HECW1: variants seen among roughly 807,000 people sequenced by gnomAD.
HECW1 encodes the protein E3 ubiquitin-protein ligase HECW1.
A neutral mutation model predicts 182.3 loss-of-function variants in HECW1; 61 were observed. The observed-to-expected ratio is 0.33, with a 90% CI of 0.27 to 0.41. HECW1 has a LOEUF of 0.41. Ranked by LOEUF, HECW1 falls within the 10% of genes least tolerant of loss-of-function variation. The pLI is 1.00. For missense variants in HECW1, 1,739 were observed against 2,108.9 expected, an observed-to-expected ratio of 0.82 and a Z score of 3.44; for synonymous variants, 859 against 832.6, an observed-to-expected ratio of 1.03 and a Z score of -0.55.
intron 3 of HECW1, among the ~76,000 whole-genome samples, chr7:43,305,674 C>T (rs973766897): frequency 4.6e-5 from 7 of 151,798 alleles, no homozygotes; most frequent in African/African-American, 1.5e-4. Flanking sequence ...GATCTCGGCT[C>T]ACTGCAACCT....
chr7:43,154,813 A>G (rs1789706538), intron 2 of HECW1, among the ~76,000 whole-genome samples: 1 of 152,310 alleles, frequency 6.6e-6, no homozygotes, highest in South Asian at 2.1e-4. Context: ...TGTTTCTTCC[A>G]TAGTGAAATA....
chr7:43,313,676 GAT>G (rs1169144323), intron 4 of HECW1, among the ~76,000 whole-genome samples: 2 of 152,138 alleles, frequency 1.3e-5, no homozygotes, highest in Admixed American at 1.3e-4. Context: ...TTTTAAATTT[GAT>G]TGATTATCCA....
chr7:43,416,382 C>G lies in HECW1; in HGVS notation c.801+8651C>G, dbSNP rs1268876090. ...GGACCCACTTGAGGAGGCAGTCTGCCGGTTCTCAGATCTCCAGCTGCGTGC... is the reference window on the plus strand; with the variant it reads ...GGACCCACTTGAGGAGGCAGTCTGCGGGTTCTCAGATCTCCAGCTGCGTGC... On this transcript the variant is annotated intron_variant, in intron 8 of 29. Coordinates refer to ENST00000395891, the MANE Select transcript of HECW1 (RefSeq NM_015052.5). Among the ~76,000 whole-genome samples the G allele has an allele frequency of 2.0e-5, 3 of 146,396 alleles. No individual in the cohort carries two copies. The East Asian group carries it at 6.1e-4, about 30-fold the overall frequency.
chr7:43,177,063 G>A (rs72585558), intron 2 of HECW1, among the ~76,000 whole-genome samples: 7,056 of 152,214 alleles, frequency 0.046, 258 homozygotes, highest in East Asian at 0.15. Flanking sequence ...TAGAGTTTCA[G>A]GGTTGAAAAT....
intron 15 of HECW1, among the ~76,000 whole-genome samples, chr7:43,468,390 T>C (rs2077876787): frequency 6.6e-6 from 1 of 152,104 alleles, no homozygotes; most frequent in Non-Finnish European, 1.5e-5. Context: ...GAGCCAGGCA[T>C]GGCTGAGACA....
intron 21 of HECW1, 91 bp from the exon 22 acceptor site, chr7:43,507,046 G>C: frequency 6.8e-7 from 1 of 1,467,200 alleles, no homozygotes; most frequent in Non-Finnish European, 9.1e-7. Context: ...CTCCAGCCTG[G>C]GCAACAGAGC....
chr7:43,389,301 C>T (rs983854720), intron 6 of HECW1, among the ~76,000 whole-genome samples: 3 of 152,182 alleles, frequency 2.0e-5, no homozygotes, highest in Admixed American at 1.3e-4. Context: ...CTGCTGGAGC[C>T]GTCCCCAGAC....
chr7:43,336,951 A>T (rs1010573740), intron 5 of HECW1, among the ~76,000 whole-genome samples: 1 of 152,194 alleles, frequency 6.6e-6, no homozygotes, highest in Non-Finnish European at 1.5e-5. Context: ...ACTATTGGTG[A>T]CACTTAGGTT....
At chr7:43,445,670 A>C (rs1026883523) in intron 11 of HECW1, 100 bp downstream of exon 11, 2 of 1,410,742 alleles carry the variant, frequency 1.4e-6, no homozygotes, top group Admixed American at 2.8e-5. Context: ...TCGGTGTCAA[A>C]CGGGGTTGCT....
chr7:43,136,242 T>C (rs1378168563), intron 2 of HECW1, among the ~76,000 whole-genome samples: 2 of 152,238 alleles, frequency 1.3e-5, no homozygotes, highest in African/African-American at 2.4e-5. Flanking sequence ...ATTTTAATGC[T>C]TAGTTGGCAC....
At chr7:43,281,969 T>C (rs1333929235) in intron 3 of HECW1, among the ~76,000 whole-genome samples, 1 of 152,192 alleles carries the variant, frequency 6.6e-6, no homozygotes, top group African/African-American at 2.4e-5. Flanking sequence ...ATGAGCCTTT[T>C]TCGAGTCCCT....
At chr7:43,122,754 A>G (rs572511622) in intron 2 of HECW1, among the ~76,000 whole-genome samples, 13 of 152,356 alleles carry the variant, frequency 8.5e-5, no homozygotes, top group African/African-American at 2.9e-4. Flanking sequence ...TCGAGATTCT[A>G]AAGAGAAATT....
chr7:43,318,374 C>A (rs1809608917), intron 4 of HECW1, among the ~76,000 whole-genome samples: 1 of 152,202 alleles, frequency 6.6e-6, no homozygotes, highest in African/African-American at 2.4e-5. Flanking sequence ...TTCATGGTAA[C>A]CCAAACAGGG....
intron 3 of HECW1, among the ~76,000 whole-genome samples, chr7:43,247,954 A>G: frequency 7.2e-6 from 1 of 139,712 alleles, no homozygotes; most frequent in African/African-American, 2.8e-5. Flanking sequence ...AAAAGGAGGG[A>G]AGGAAAGAAA....
intron 5 of HECW1, among the ~76,000 whole-genome samples, chr7:43,353,153 A>G (rs1393334646): frequency 1.3e-5 from 2 of 152,104 alleles, no homozygotes; most frequent in Non-Finnish European, 2.9e-5. Flanking sequence ...ACTTGAAAAT[A>G]TAAATATATA....
intron 4 of HECW1, among the ~76,000 whole-genome samples, 176 bp from the exon 5 acceptor site, chr7:43,320,459 G>A (rs768270733): frequency 2.0e-5 from 3 of 152,204 alleles, no homozygotes; most frequent in Admixed American, 6.5e-5. Context: ...CATAAAAAGC[G>A]TTTGGTCCCA....
At chr7:43,179,334 C>T (rs7802446) in intron 2 of HECW1, among the ~76,000 whole-genome samples, 53,540 of 151,920 alleles carry the variant, frequency 0.35, 9,618 homozygotes, top group African/African-American at 0.4. Flanking sequence ...AATAGAAGCC[C>T]CTTACTCCCA....
chr7:43,461,057 A>G (rs1227514853), intron 13 of HECW1, among the ~76,000 whole-genome samples: 1 of 152,268 alleles, frequency 6.6e-6, no homozygotes, highest in African/African-American at 2.4e-5. Flanking sequence ...GCCCTATTCC[A>G]GGCATCTGTT....
At chr7:43,327,062 C>T (rs1231979390) in intron 5 of HECW1, among the ~76,000 whole-genome samples, 3 of 152,220 alleles carry the variant, frequency 2.0e-5, no homozygotes, top group African/African-American at 7.2e-5. Flanking sequence ...GACTGCACCG[C>T]GGGCTGCCAT....
Sources: gnomAD v4.1 joint callset for allele counts (sites outside exome capture counted in the v4.1 genomes callset) on GRCh38, gnomAD v4.1.1 for gene constraint, MANE v1.5 for transcripts, NCBI Gene and HGNC (gene_info 2026-07-23, HGNC 2026-07-21) for gene names.